GAS2: variants seen among roughly 807,000 people sequenced by gnomAD.
GAS2 encodes growth arrest-specific protein 2.
GAS2 carries 20 observed loss-of-function variants against 37.5 expected under a neutral mutation model. The observed-to-expected ratio is 0.53, with a 90% CI of 0.37 to 0.77. GAS2 has a LOEUF of 0.77. Among genes scored for constraint, GAS2 ranks in the 30% least tolerant of loss-of-function variants. GAS2 has a pLI of 0.00. For missense variants in GAS2, 336 were observed against 373.4 expected (o/e 0.90, Z 0.82); for synonymous variants, 144 against 132.2 (o/e 1.09, Z -0.61).
rs3751089 is a variant in GAS2 at position 22,785,322 on chromosome 11, T to C, written c.724-26476T>C. 1.4e-4 allele frequency among the ~76,000 whole-genome samples: 21 copies of C among 151,956 alleles called. No individual in the cohort carries two copies. The East Asian group carries it at 3.3e-3, about 24-fold the overall frequency. ...CCATTCATCCTGGGTGAAGGAAGAG[T>C]GTGTCTTTTCTCCCACTCCTACCTA... On this transcript the variant is annotated intron_variant, in intron 7 of 7. Transcript: ENST00000454584.
intron 4 of GAS2, among the ~76,000 whole-genome samples, chr11:22,729,437 TTA>T (rs1302397779): frequency 6.6e-6 from 1 of 151,826 alleles, no homozygotes; most frequent in East Asian, 1.9e-4. Flanking sequence ...TTCCATATGT[TTA>T]TGTCATGCTT....
intron 7 of GAS2, among the ~76,000 whole-genome samples, chr11:22,782,029 A>G (rs1331157399): frequency 1.3e-5 from 2 of 152,184 alleles, no homozygotes; most frequent in Non-Finnish European, 2.9e-5. Context: ...TAAAATGGGG[A>G]CCAAGTTATT....
chr11:22,753,750 T>C (rs1853869085), intron 6 of GAS2, among the ~76,000 whole-genome samples: 1 of 152,128 alleles, frequency 6.6e-6, no homozygotes, highest in African/African-American at 2.4e-5. Context: ...ACAGTACCAC[T>C]TCTAGCAATG....
At chr11:22,805,093 AT>A (rs201623098) in intron 7 of GAS2, among the ~76,000 whole-genome samples, 44 of 146,908 alleles carry the variant, frequency 3.0e-4, no homozygotes, top group South Asian at 6.5e-4. Context: ...TGAGTGTTCA[AT>A]TTTTTTTTTT....
chr11:22,641,806 T>C lies in GAS2; in HGVS notation c.-21+15993T>C, dbSNP rs150388089. Among the ~76,000 whole-genome samples the C allele has an allele frequency of 4.6e-5, 7 of 152,244 alleles. No individual in the cohort carries two copies. In the East Asian group the frequency reaches 1.2e-3, roughly 25 times the overall value. On this transcript the variant is annotated intron_variant, in intron 1 of 5. Transcript: ENST00000528582. ...GTCATAATATTATCAATCAGTGTGT[T>C]TTCAAAAAATGATGAGCAGTCTAAT...
At chr11:22,734,603 GA>G (rs922300213) in intron 4 of GAS2, among the ~76,000 whole-genome samples, 4 of 151,314 alleles carry the variant, frequency 2.6e-5, no homozygotes, top group African/African-American at 4.8e-5. Flanking sequence ...ATAATGAAAA[GA>G]AAAAAATATA....
chr11:22,682,083 C>T (rs915640931), intron 2 of GAS2, among the ~76,000 whole-genome samples: 1 of 151,882 alleles, frequency 6.6e-6, no homozygotes, highest in Non-Finnish European at 1.5e-5. Flanking sequence ...ATGTAATAGT[C>T]TGTTTTTGCC....
chr11:22,704,989 G>A (rs759189936), intron 3 of GAS2, among the ~76,000 whole-genome samples: 17 of 151,814 alleles, frequency 1.1e-4, no homozygotes, highest in South Asian at 6.2e-4. Flanking sequence ...TATTTACTTC[G>A]TGTCATTCAG....
At chr11:22,779,665 T>C (rs1855451263) in intron 7 of GAS2, among the ~76,000 whole-genome samples, 1 of 151,582 alleles carries the variant, frequency 6.6e-6, no homozygotes, top group South Asian at 2.1e-4. Flanking sequence ...GCCACTGCAG[T>C]CCAGCCTGGG....
intron 3 of GAS2, among the ~76,000 whole-genome samples, chr11:22,697,916 C>G (rs1252520571): frequency 6.6e-6 from 1 of 152,128 alleles, no homozygotes; most frequent in African/African-American, 2.4e-5. Context: ...TTCCTCTTTT[C>G]CTAATTGAAT....
At chr11:22,764,740 A>G (rs1854594837) in intron 7 of GAS2, among the ~76,000 whole-genome samples, 1 of 152,222 alleles carries the variant, frequency 6.6e-6, no homozygotes, top group African/African-American at 2.4e-5. Context: ...TTCCACTGAC[A>G]TTAAATGTGA....
intron 3 of GAS2, among the ~76,000 whole-genome samples, chr11:22,699,038 C>G (rs972730859): frequency 2.6e-5 from 4 of 152,092 alleles, no homozygotes; most frequent in African/African-American, 9.7e-5. Flanking sequence ...GCTCAAGCCC[C>G]CACAAAATCT....
chr11:22,750,388 G>T lies in GAS2; in HGVS notation c.615+1127G>T, dbSNP rs1164437811. On this transcript the variant is annotated intron_variant, in intron 6 of 7. Transcript: ENST00000454584. ...ACTATATTGCAGATTTAGATGAGCCGAAATATAACAGTTTGTCTGATAGAT... is the reference window on the plus strand; with the variant it reads ...ACTATATTGCAGATTTAGATGAGCCTAAATATAACAGTTTGTCTGATAGAT... Among the ~76,000 whole-genome samples, 4 of 152,150 alleles carry T rather than the reference G, an allele frequency of 2.6e-5. No homozygotes were observed. The East Asian group carries it at 7.7e-4, about 29-fold the overall frequency.
chr11:22,715,783 G>A (rs1052805124), intron 3 of GAS2, among the ~76,000 whole-genome samples: 15 of 151,950 alleles, frequency 9.9e-5, no homozygotes, highest in Non-Finnish European at 1.5e-5. Flanking sequence ...AGAAGAATTG[G>A]TACCAATCCT....
chr11:22,645,686 A>G (rs190381683), intron 1 of GAS2, among the ~76,000 whole-genome samples: 38 of 152,112 alleles, frequency 2.5e-4, no homozygotes, highest in African/African-American at 6.0e-4. Context: ...CCAAATAAAT[A>G]AAGAATGTCA....
intron 7 of GAS2, among the ~76,000 whole-genome samples, chr11:22,786,487 A>T (rs1227025694): frequency 6.6e-6 from 1 of 152,138 alleles, no homozygotes; most frequent in African/African-American, 2.4e-5. Flanking sequence ...ATCACTGTCC[A>T]CTATGCAAGG....
chr11:22,709,662 T>C (rs957470231), intron 3 of GAS2, among the ~76,000 whole-genome samples: 1 of 152,138 alleles, frequency 6.6e-6, no homozygotes, highest in Non-Finnish European at 1.5e-5. Flanking sequence ...CATTACTGGG[T>C]ATATACCCAA....
intron 1 of GAS2, among the ~76,000 whole-genome samples, chr11:22,636,191 A>G (rs1003779517): frequency 6.6e-6 from 1 of 152,152 alleles, no homozygotes; most frequent in African/African-American, 2.4e-5. Flanking sequence ...ATCTCTACAC[A>G]GTATTTTGTC....
At chr11:22,632,791 C>A (rs931980387) in intron 1 of GAS2, among the ~76,000 whole-genome samples, 3 of 150,082 alleles carry the variant, frequency 2.0e-5, no homozygotes, top group African/African-American at 7.3e-5. Flanking sequence ...TGGGTTAATT[C>A]AAAAACCTTG....
Sources: allele counts gnomAD v4.1 joint callset (sites outside exome capture counted in the v4.1 genomes callset), GRCh38; gene constraint gnomAD v4.1.1; transcripts MANE v1.5; gene names NCBI Gene and HGNC (gene_info 2026-07-23, HGNC 2026-07-21).